Variants in EZH2 observed in about 807,000 individuals in gnomAD.
EZH2 encodes the protein enhancer of zeste 2 polycomb repressive complex 2 subunit.
EZH2 carries 18 observed loss-of-function variants against 98.4 expected under a neutral mutation model. The ratio of observed to expected loss-of-function variants is 0.18; its 90% CI spans 0.13 to 0.27. The LOEUF (loss-of-function observed/expected upper bound fraction) is 0.27. Ranked by LOEUF, EZH2 falls within the 10% of genes least tolerant of loss-of-function variation. EZH2 has a pLI of 1.00. For missense variants in EZH2, 470 were observed against 935.1 expected (o/e 0.50, Z 6.49); for synonymous variants, 338 against 312.3 (o/e 1.08, Z -0.87).
chr7:148,814,815 C>G (rs41277443), intron 14 of EZH2, 99 bp downstream of exon 14: 3 of 1,409,388 alleles, frequency 2.1e-6, no homozygotes, highest in Non-Finnish European at 2.9e-6. Flanking sequence ...GTCAAGTAAA[C>G]AAGGGAGTGC....
At chr7:148,816,927 A>G (rs1349232747) in intron 11 of EZH2, 149 bp from the exon 12 acceptor site, 2 of 627,644 alleles carry the variant, frequency 3.2e-6, no homozygotes, top group Admixed American at 5.5e-5. Flanking sequence ...CCCTACCCTC[A>G]CATTAGGGGT....
rs1802357393 is a variant in EZH2, at chr7:148,809,165, G to A, written c.2111-10C>T. 6.2e-7 allele frequency: 1 copy of A among 1,613,506 alleles called. No individual in the cohort carries two copies. The highest frequency in any genetic ancestry group is 1.7e-5 in the Admixed American group (1 of 60,002). On this transcript the variant is annotated splice_polypyrimidine_tract_variant and intron_variant, in intron 18 of 19. Transcript: ENST00000320356. The stretch of plus-strand genomic sequence containing the variant: ...CCGTTAACCATCATAACTGCAAAGA[G>A]ACACACTGGTGTCAGTGAGCATGAA...
At chr7:148,835,398 T>TGC (rs1390163787) in intron 3 of EZH2, among the ~76,000 whole-genome samples, 2 of 144,160 alleles carry the variant, frequency 1.4e-5, no homozygotes, top group Non-Finnish European at 3.0e-5. Flanking sequence ...CACTCCAGCC[T>TGC]GGGTGACGAC....
At chr7:148,814,364 T>C (rs1803987950) in intron 14 of EZH2, among the ~76,000 whole-genome samples, 1 of 152,146 alleles carries the variant, frequency 6.6e-6, no homozygotes, top group African/African-American at 2.4e-5. Flanking sequence ...ATTTGTTAAA[T>C]AGTGTATATA....
At chr7:148,850,706 T>C (rs1473396501) in intron 1 of EZH2, among the ~76,000 whole-genome samples, 1 of 152,208 alleles carries the variant, frequency 6.6e-6, no homozygotes, top group African/African-American at 2.4e-5. Context: ...TCCCAGAGCC[T>C]GTGTGTGCCT....
At chr7:148,808,419 A>G (rs1458856088) in intron 19 of EZH2, among the ~76,000 whole-genome samples, 1 of 152,246 alleles carries the variant, frequency 6.6e-6, no homozygotes, top group African/African-American at 2.4e-5. Context: ...ACACGGGGCT[A>G]CAGGAGTTCA....
At chr7:148,828,578 C>T (rs751016359) in intron 6 of EZH2, among the ~76,000 whole-genome samples, 162 bp downstream of exon 6, 1 of 152,078 alleles carries the variant, frequency 6.6e-6, no homozygotes, top group Non-Finnish European at 1.5e-5. Flanking sequence ...GTTAGCCACC[C>T]TACCTGGCCA....
chr7:148,826,919 G>A (rs571045600), intron 7 of EZH2, among the ~76,000 whole-genome samples: 35 of 152,230 alleles, frequency 2.3e-4, no homozygotes, highest in African/African-American at 8.4e-4. Context: ...ATGTACTACT[G>A]TAAATTTTAT....
rs572349919 is a variant in EZH2, at chr7:148,835,664, A to AT, written c.247-2915dup. ...CATTTCTTAAAAAAAAAAAATTCCG[A>AT]TTTTTTTAACATTTGGCAGGAATAA... On this transcript the variant is annotated intron_variant, in intron 3 of 19. Coordinates refer to ENST00000320356, the MANE Select transcript of EZH2 (RefSeq NM_004456.5). Among the ~76,000 whole-genome samples the AT allele has an allele frequency of 6.6e-5, 10 of 152,166 alleles. No homozygotes were observed. In the East Asian group the frequency reaches 1.2e-3, roughly 18 times the overall value.
intron 1 of EZH2, among the ~76,000 whole-genome samples, chr7:148,871,116 T>A (rs750821445): frequency 3.3e-5 from 5 of 152,084 alleles, no homozygotes; most frequent in Non-Finnish European, 7.4e-5. Flanking sequence ...TCAACATTGT[T>A]AATGCAAATC....
chr7:148,826,333 A>G, intron 8 of EZH2, 121 bp downstream of exon 8: 1 of 747,340 alleles, frequency 1.3e-6, no homozygotes, highest in Non-Finnish European at 1.9e-6. Context: ...ACTGAGATCT[A>G]AAGATATTTG....
chr7:148,833,404 T>C (rs978085041), intron 3 of EZH2, among the ~76,000 whole-genome samples: 2 of 150,086 alleles, frequency 1.3e-5, no homozygotes, highest in East Asian at 2.0e-4. Flanking sequence ...TTGCAGTGAG[T>C]CGAGATCGCG....
chr7:148,869,222 C>T (rs1478400930), intron 1 of EZH2, among the ~76,000 whole-genome samples: 1 of 152,034 alleles, frequency 6.6e-6, no homozygotes, highest in Non-Finnish European at 1.5e-5. Context: ...AGAATCTTAC[C>T]ATCACCTGTG....
In EZH2 at chr7:148,816,681, C is replaced by G; in HGVS notation, c.1505+3G>C. On this transcript the variant is annotated splice_donor_region_variant and intron_variant, in intron 12 of 19. Transcript: ENST00000320356. ...TCTCTAAGGAGCTTCATGACAGACT[C>G]ACCGGTGTTTCCTCTTCTTTTTCCT... The G allele has an allele frequency of 6.2e-7, 1 of 1,611,722 alleles. No homozygotes were observed. Among genetic ancestry groups the G allele is most frequent in the Middle Eastern group, 1.7e-4 (1 of 6,020 alleles).
chr7:148,867,796 A>G (rs975512378), intron 1 of EZH2, among the ~76,000 whole-genome samples: 1 of 152,234 alleles, frequency 6.6e-6, no homozygotes, highest in Non-Finnish European at 1.5e-5. Flanking sequence ...AAATGAGCAC[A>G]GGCTTTTAGA....
chr7:148,809,006 G>C (rs1257114691), intron 19 of EZH2, 65 bp downstream of exon 19: 4 of 1,345,950 alleles, frequency 3.0e-6, no homozygotes, highest in Middle Eastern at 1.8e-4. Flanking sequence ...ACCCTCCTTT[G>C]TCCAGAGTTC....
In EZH2 at chr7:148,811,616, G is replaced by C. The variant is rs774110836; in HGVS notation, c.1947+9C>G. Reference sequence around the variant, plus strand: ...AATGCCACCTGAATACAGGTTATCAGTGCCTTACCTCTCCACAGTATTCTG... The same window carrying C: ...AATGCCACCTGAATACAGGTTATCACTGCCTTACCTCTCCACAGTATTCTG... On this transcript the variant is annotated intron_variant, in intron 16 of 19. Transcript: ENST00000320356. The C allele has an allele frequency of 1.2e-6, 2 of 1,610,194 alleles. No homozygotes were observed.
Position 148,811,688 on chromosome 7 carries a change from G to A in EZH2, c.1884C>T (p.Gly628=), listed in dbSNP as rs61732846. The stretch of plus-strand genomic sequence containing the variant: ...CAGGATCTTTGATAAAAATCCCCCA[G>A]CCTGCCACGTCAGATGGTGCCAGCA... ...HLLLAPSDVA[G]WGIFIKDPVQ... The change falls in exon 16 of 20, where the codon GGC becomes GGT. Residue 628 remains glycine (G), a synonymous_variant. Transcript: ENST00000320356. The A allele has an allele frequency of 6.2e-7, 1 of 1,613,228 alleles. No homozygotes were observed. Among genetic ancestry groups the A allele is most frequent in the Non-Finnish European group, 8.5e-7 (1 of 1,180,008 alleles).
intron 3 of EZH2, among the ~76,000 whole-genome samples, chr7:148,834,294 A>G (rs1222427695): frequency 2.0e-5 from 3 of 152,050 alleles, no homozygotes; most frequent in Non-Finnish European, 4.4e-5. Context: ...ATCAATGAAA[A>G]TAGAGCAAAA....
Sources: allele counts gnomAD v4.1 joint callset (sites outside exome capture counted in the v4.1 genomes callset), GRCh38; gene constraint gnomAD v4.1.1; transcripts MANE v1.5; gene names NCBI Gene and HGNC (gene_info 2026-07-23, HGNC 2026-07-21).